SLC2A13: variants seen among roughly 807,000 people sequenced by gnomAD.
SLC2A13 encodes the protein solute carrier family 2 member 13, also known as proton myo-inositol cotransporter.
In SLC2A13, 32 loss-of-function variants were observed where a neutral mutation model predicts 64.4. The observed-to-expected ratio is 0.50, with a 90% confidence interval of 0.37 to 0.67. The LOEUF (loss-of-function observed/expected upper bound fraction) is 0.67, where lower values mean the gene tolerates loss of function less well. Ranked by LOEUF, SLC2A13 falls within the 30% of genes least tolerant of loss-of-function variation. The pLI is 0.00. For missense variants in SLC2A13, 743 were observed against 829.2 expected, an observed-to-expected ratio of 0.90 and a Z score of 1.28; for synonymous variants, 338 against 327.1, an observed-to-expected ratio of 1.03 and a Z score of -0.36.
chr12:39,891,151 G>T (rs781498820), intron 4 of SLC2A13, among the ~76,000 whole-genome samples: 1 of 149,334 alleles, frequency 6.7e-6, no homozygotes, highest in Non-Finnish European at 1.5e-5. Context: ...TTTTGAGGAT[G>T]CATCTAGGAT....
At chr12:39,860,881 C>T (rs1943741874) in intron 6 of SLC2A13, among the ~76,000 whole-genome samples, 1 of 152,102 alleles carries the variant, frequency 6.6e-6, no homozygotes, top group Admixed American at 6.5e-5. Context: ...GCACCCACAC[C>T]CACCCAGAGA....
intron 9 of SLC2A13, among the ~76,000 whole-genome samples, chr12:39,763,680 C>T (rs1298443059): frequency 3.3e-5 from 5 of 152,022 alleles, no homozygotes; most frequent in African/African-American, 7.2e-5. Flanking sequence ...GCAGGCATTC[C>T]GTCTCTACCA....
chr12:39,820,633 C>T (rs1011768908), intron 7 of SLC2A13, among the ~76,000 whole-genome samples: 1 of 151,194 alleles, frequency 6.6e-6, no homozygotes, highest in Non-Finnish European at 1.5e-5. Context: ...AGCAAAAAAC[C>T]TCCTGAGATT....
chr12:39,933,154 G>T (rs1158229739), intron 4 of SLC2A13, among the ~76,000 whole-genome samples: 1 of 152,176 alleles, frequency 6.6e-6, no homozygotes, highest in Non-Finnish European at 1.5e-5. Context: ...AGTTGAACCT[G>T]GGAGGCAGAG....
In SLC2A13 at chr12:39,864,656, G is replaced by A. The variant is rs1412518477; in HGVS notation, c.1319+106C>T. 3 of 1,435,164 alleles carry A rather than the reference G, an allele frequency of 2.1e-6. No individual in the cohort carries two copies. In the African/African-American group the frequency reaches 4.3e-5, roughly 21 times the overall value. The allele number at this position is 1,435,164 out of a possible 1,614,324, so 88.9% of individuals were successfully genotyped here. A position where few individuals can be genotyped will look rare whatever the true frequency, so the allele number is the denominator to read the frequency against. ...TTTCTTCCCTTCTTACATAAGCCTG[G>A]ATGCCCAGCAAGCTCCTACTCATCT... On this transcript the variant is annotated intron_variant, in intron 6 of 9. Coordinates refer to ENST00000280871, the MANE Select transcript of SLC2A13 (RefSeq NM_052885.4).
At chr12:39,995,750 G>T (rs759286754) in intron 3 of SLC2A13, among the ~76,000 whole-genome samples, 1 of 152,130 alleles carries the variant, frequency 6.6e-6, no homozygotes, top group Non-Finnish European at 1.5e-5. Flanking sequence ...ATTGAATCAT[G>T]GGGGGCAGGT....
At chr12:40,049,254 C>T (rs1167218010) in intron 1 of SLC2A13, among the ~76,000 whole-genome samples, 1 of 151,688 alleles carries the variant, frequency 6.6e-6, no homozygotes, top group Non-Finnish European at 1.5e-5. Context: ...ATGTTTATAT[C>T]TCTAGATACT....
intron 1 of SLC2A13, among the ~76,000 whole-genome samples, chr12:40,099,873 C>G (rs536593435): frequency 1.3e-5 from 2 of 151,338 alleles, no homozygotes; most frequent in Non-Finnish European, 2.9e-5. Flanking sequence ...CAAAAACAAC[C>G]AAAAAGAAAG....
chr12:39,904,874 T>C (rs949745113), intron 4 of SLC2A13, among the ~76,000 whole-genome samples: 1 of 152,152 alleles, frequency 6.6e-6, no homozygotes, highest in Non-Finnish European at 1.5e-5. Context: ...ACAGGTCTTC[T>C]GCATTGCCTC....
chr12:39,898,361 T>C (rs1422301767), intron 4 of SLC2A13, among the ~76,000 whole-genome samples: 1 of 152,064 alleles, frequency 6.6e-6, no homozygotes, highest in Admixed American at 6.6e-5. Flanking sequence ...TATGATACAA[T>C]GGGAATGTTT....
At chr12:39,975,453 A>C (rs1946742085) in intron 3 of SLC2A13, among the ~76,000 whole-genome samples, 1 of 152,244 alleles carries the variant, frequency 6.6e-6, no homozygotes. Flanking sequence ...AGGTTTGTTC[A>C]GTGATGACTT....
chr12:39,958,480 G>T (rs1946355436), intron 3 of SLC2A13, among the ~76,000 whole-genome samples: 1 of 152,182 alleles, frequency 6.6e-6, no homozygotes, highest in African/African-American at 2.4e-5. Context: ...TACTATTCAT[G>T]TGTTCAATAA....
chr12:39,877,503 G>A (rs576966739), intron 4 of SLC2A13, among the ~76,000 whole-genome samples: 16 of 152,258 alleles, frequency 1.1e-4, no homozygotes, highest in East Asian at 3.9e-4. Context: ...CAGCCAAACC[G>A]TATCAATAAC....
chr12:39,847,678 C>T (rs918032972), intron 6 of SLC2A13, among the ~76,000 whole-genome samples: 10 of 152,016 alleles, frequency 6.6e-5, no homozygotes, highest in African/African-American at 2.2e-4. Context: ...CAACTCCTTA[C>T]CCTTGAGTTT....
chr12:39,805,308 A>G (rs911178468), intron 7 of SLC2A13, among the ~76,000 whole-genome samples: 1 of 152,180 alleles, frequency 6.6e-6, no homozygotes, highest in African/African-American at 2.4e-5. Flanking sequence ...TCTGCTTTGC[A>G]GGGAGAGGCA....
At chr12:40,065,624 C>A (rs143661870) in intron 1 of SLC2A13, among the ~76,000 whole-genome samples, 1 of 151,996 alleles carries the variant, frequency 6.6e-6, no homozygotes, top group African/African-American at 2.4e-5. Context: ...TCATCTAAGA[C>A]TCTACAAATG....
Position 39,871,808 on chromosome 12 carries a change from A to G in SLC2A13, c.1188T>C (p.Gly396=). The change falls in exon 5 of 10, where the codon GGT becomes GGC. Residue 396 remains glycine (G), a synonymous_variant. Coordinates refer to ENST00000280871, the MANE Select transcript of SLC2A13 (RefSeq NM_052885.4). ...TATCCAGCCACCTACCTGCTAAACTACCAAAGGTAAGCTTTCTGCGGCCCA... is the reference window on the plus strand; with the variant it reads ...TATCCAGCCACCTACCTGCTAAACTGCCAAAGGTAAGCTTTCTGCGGCCCA... The part of the protein sequence containing the change: ...EKVGRRKLTF[G]SLAGTTVALI... The G allele has an allele frequency of 6.2e-7, 1 of 1,605,578 alleles. No individual in the cohort carries two copies. The highest frequency in any genetic ancestry group is 1.1e-5 in the South Asian group (1 of 89,050).
chr12:39,809,723 T>C (rs1942087728), intron 7 of SLC2A13, among the ~76,000 whole-genome samples: 1 of 152,162 alleles, frequency 6.6e-6, no homozygotes, highest in Admixed American at 6.6e-5. Context: ...GTTCTCATTG[T>C]TCAGTTCCCA....
chr12:39,894,136 G>A (rs577457294), intron 4 of SLC2A13, among the ~76,000 whole-genome samples: 9 of 152,108 alleles, frequency 5.9e-5, no homozygotes, highest in Non-Finnish European at 1.0e-4. Flanking sequence ...ATAGTGCCAC[G>A]TCACTAGGGC....
Sources: allele counts gnomAD v4.1 joint callset (sites outside exome capture counted in the v4.1 genomes callset), GRCh38; gene constraint gnomAD v4.1.1; transcripts MANE v1.5; gene names NCBI Gene and HGNC (gene_info 2026-07-23, HGNC 2026-07-21).